The following CAMK1D variants were observed in gnomAD, a reference collection of about 807,000 sequenced individuals.
CAMK1D encodes the protein calcium/calmodulin dependent protein kinase ID.
Under a neutral mutation model 47.7 loss-of-function variants are expected in CAMK1D, and 9 were observed. That is an observed-to-expected ratio of 0.19 (90% CI 0.11 to 0.33). The LOEUF is 0.33. CAMK1D is among the 10% of genes least tolerant of loss of function. The pLI is 1.00. For synonymous variants in CAMK1D, 184 were observed against 184.9 expected (o/e 0.99, Z 0.04); for missense variants, 291 against 488.7 (o/e 0.60, Z 3.81).
intron 6 of CAMK1D, among the ~76,000 whole-genome samples, chr10:12,801,297 G>GTGTGTATCTATC: frequency 1.1e-5 from 1 of 89,900 alleles, no homozygotes; most frequent in South Asian, 4.8e-4. Context: ...GTCTGTGTGT[G>GTGTGTATCTATC]TATCTATCTA....
rs927265759 is a variant in CAMK1D, at chr10:12,380,634, G to T, written c.92+30724G>T. On this transcript the variant is annotated intron_variant, in intron 1 of 10. Coordinates refer to ENST00000619168, the MANE Select transcript of CAMK1D (RefSeq NM_153498.4). ...GCACTTTGGGAGGCCAAGGCGGGCG[G>T]ATCACGAGGTCAGAGATCGAGACCA... 2.0e-5 allele frequency among the ~76,000 whole-genome samples: 3 copies of T among 152,116 alleles called. 1 individual carries two copies. The highest frequency in any genetic ancestry group is 2.0e-4 in the Admixed American group (3 of 15,266).
chr10:12,451,771 TTGTG>T (rs75335236), intron 1 of CAMK1D, among the ~76,000 whole-genome samples: 9 of 150,498 alleles, frequency 6.0e-5, no homozygotes, highest in African/African-American at 2.0e-4. Context: ...GGTTATGTGT[TTGTG>T]TGTGTGTGTG....
At chr10:12,557,576 A>G (rs1254294781) in intron 2 of CAMK1D, among the ~76,000 whole-genome samples, 1 of 151,952 alleles carries the variant, frequency 6.6e-6, no homozygotes, top group East Asian at 1.9e-4. Context: ...AAAAAGAAAA[A>G]AGAAAAAAGT....
At chr10:12,403,688 T>A (rs1301668011) in intron 1 of CAMK1D, among the ~76,000 whole-genome samples, 2 of 152,164 alleles carry the variant, frequency 1.3e-5, no homozygotes, top group African/African-American at 2.4e-5. Flanking sequence ...TTTAAAAATA[T>A]TTGATTTGCA....
At chr10:12,493,844 T>C (rs1564371793) in intron 1 of CAMK1D, among the ~76,000 whole-genome samples, 1 of 152,178 alleles carries the variant, frequency 6.6e-6, no homozygotes, top group African/African-American at 2.4e-5. Flanking sequence ...ATCAAGTGGA[T>C]TGCAGCTGAG....
intron 2 of CAMK1D, among the ~76,000 whole-genome samples, chr10:12,589,490 A>T (rs1837933059): frequency 6.6e-6 from 1 of 152,208 alleles, no homozygotes; most frequent in South Asian, 2.1e-4. Context: ...TGTGATTTGC[A>T]TGCATTTCTC....
intron 1 of CAMK1D, among the ~76,000 whole-genome samples, chr10:12,464,185 C>G (rs578021250): frequency 1.3e-5 from 2 of 152,232 alleles, no homozygotes; most frequent in South Asian, 4.2e-4. Flanking sequence ...GCTGTTGGTC[C>G]CCTCTTTGTC....
At chr10:12,463,131 T>G (rs1053349658) in intron 1 of CAMK1D, among the ~76,000 whole-genome samples, 1 of 89,432 alleles carries the variant, frequency 1.1e-5, no homozygotes, top group Non-Finnish European at 2.5e-5. Flanking sequence ...GCTCTAAGAG[T>G]TTTTTTTTTT....
At chr10:12,577,397 G>C (rs1471397470) in intron 2 of CAMK1D, among the ~76,000 whole-genome samples, 1 of 152,190 alleles carries the variant, frequency 6.6e-6, no homozygotes, top group African/African-American at 2.4e-5. Flanking sequence ...GATCTACCCA[G>C]TTCTGGATTC....
At chr10:12,632,056 G>C (rs1839395685) in intron 2 of CAMK1D, among the ~76,000 whole-genome samples, 1 of 152,182 alleles carries the variant, frequency 6.6e-6, no homozygotes, top group Admixed American at 6.5e-5. Context: ...ATCCCTCTGT[G>C]CTGAATGAAG....
intron 2 of CAMK1D, 55 bp from the exon 3 acceptor site, chr10:12,666,681 A>G: frequency 1.4e-6 from 2 of 1,403,956 alleles, no homozygotes; most frequent in Non-Finnish European, 2.0e-6. Flanking sequence ...TCTGTTTTGA[A>G]ACATTTTCCT....
intron 1 of CAMK1D, among the ~76,000 whole-genome samples, chr10:12,506,065 T>C (rs1834861659): frequency 6.6e-6 from 1 of 152,146 alleles, no homozygotes; most frequent in Non-Finnish European, 1.5e-5. Context: ...TTCCCGTCCA[T>C]GTAATGGTGT....
chr10:12,394,251 G>A (rs1191175569), intron 1 of CAMK1D, among the ~76,000 whole-genome samples: 1 of 152,144 alleles, frequency 6.6e-6, no homozygotes, highest in Non-Finnish European at 1.5e-5. Flanking sequence ...AGGGGAGCGT[G>A]CCGTCCTCTC....
intron 1 of CAMK1D, among the ~76,000 whole-genome samples, chr10:12,375,331 G>C (rs1838145099): frequency 6.6e-6 from 1 of 152,170 alleles, no homozygotes; most frequent in Non-Finnish European, 1.5e-5. Flanking sequence ...ATAAGTCCTT[G>C]AGAACGTTCC....
At chr10:12,764,384 A>AAAAAAAAAC (rs1554822764) in intron 4 of CAMK1D, among the ~76,000 whole-genome samples, 4 of 151,088 alleles carry the variant, frequency 2.6e-5, no homozygotes, top group Non-Finnish European at 5.9e-5. Flanking sequence ...TTTGTCTCAA[A>AAAAAAAAAC]AAAAAAAAAA....
At chr10:12,372,132 G>A (rs1243197271) in intron 1 of CAMK1D, among the ~76,000 whole-genome samples, 2 of 152,164 alleles carry the variant, frequency 1.3e-5, no homozygotes, top group African/African-American at 4.8e-5. Flanking sequence ...TCTAGCCTAG[G>A]TGTGTAGTAG....
At chr10:12,736,854 A>G (rs1835212729) in intron 3 of CAMK1D, among the ~76,000 whole-genome samples, 1 of 152,186 alleles carries the variant, frequency 6.6e-6, no homozygotes, top group South Asian at 2.1e-4. Context: ...TCAGGGACAA[A>G]TAGCCCCTGC....
chr10:12,497,314 T>C (rs1309513188), intron 1 of CAMK1D, among the ~76,000 whole-genome samples: 1 of 151,834 alleles, frequency 6.6e-6, no homozygotes, highest in Non-Finnish European at 1.5e-5. Context: ...CCGTCTCTAC[T>C]AAAAATACAA....
At chr10:12,602,210 C>T (rs763260654) in intron 2 of CAMK1D, among the ~76,000 whole-genome samples, 1 of 152,322 alleles carries the variant, frequency 6.6e-6, no homozygotes, top group Non-Finnish European at 1.5e-5. Flanking sequence ...TATATCTCTA[C>T]TCACAATCTT....
Sources: allele counts gnomAD v4.1 joint callset (sites outside exome capture counted in the v4.1 genomes callset), GRCh38; gene constraint gnomAD v4.1.1; transcripts MANE v1.5; gene names NCBI Gene and HGNC (gene_info 2026-07-23, HGNC 2026-07-21).